KCNMA1: variants seen among roughly 807,000 people sequenced by gnomAD.
KCNMA1 encodes Calcium-activated potassium channel subunit alpha-1.
Under a neutral mutation model 140.0 loss-of-function variants are expected in KCNMA1, and 29 were observed. The ratio of observed to expected loss-of-function variants is 0.21; its 90% confidence interval spans 0.15 to 0.28. The LOEUF is 0.28. Ranked by LOEUF, KCNMA1 falls within the 10% of genes least tolerant of loss-of-function variation. The probability of loss-of-function intolerance (pLI) is 1.00; values close to 1 mark genes in which losing one functional copy is unlikely to be tolerated. For synonymous variants in KCNMA1, 612 were observed against 611.9 expected (o/e 1.00, Z 0.00); for missense variants, 880 against 1,602.2 (o/e 0.55, Z 7.70).
At chr10:77,417,006 C>G (rs12252301) in intron 1 of KCNMA1, among the ~76,000 whole-genome samples, 2,064 of 152,266 alleles carry the variant, frequency 0.014, 48 homozygotes, top group African/African-American at 0.047. Flanking sequence ...CGTCACTGAC[C>G]TGCTCTTCCA....
At chr10:77,007,615 C>T (rs1315233090) in intron 18 of KCNMA1, among the ~76,000 whole-genome samples, 2 of 115,568 alleles carry the variant, frequency 1.7e-5, no homozygotes, top group Non-Finnish European at 1.9e-5. Context: ...TAAGAATGTA[C>T]ATATACTCTG....
intron 1 of KCNMA1, among the ~76,000 whole-genome samples, chr10:77,481,788 A>AG (rs1265310582): frequency 5.0e-5 from 7 of 140,260 alleles, no homozygotes; most frequent in African/African-American, 1.8e-4. Flanking sequence ...AAAAAAAAAA[A>AG]AAAGAAAGAA....
At chr10:77,102,160 A>G (rs2169671) in intron 9 of KCNMA1, among the ~76,000 whole-genome samples, 152,085 of 152,344 alleles carry the variant, frequency 1, 75,914 homozygotes, top group East Asian at 1. Flanking sequence ...ACATGAAGGC[A>G]TGACTCGTGT....
Position 76,981,604 on chromosome 10 carries a change from G to A in KCNMA1, c.2267-11537C>T, listed in dbSNP as rs111813639. Among the ~76,000 whole-genome samples the A allele has an allele frequency of 2.0e-4, 30 of 152,286 alleles. 1 individual carries two copies. The highest frequency in any genetic ancestry group is 6.7e-4 in the African/African-American group (28 of 41,552). ...AGAGGCATGGCGGGGTAGAGAGGCA[G>A]TGACTCCTTCACCAGGCTCTCCCAC... On this transcript the variant is annotated intron_variant, in intron 19 of 27. Transcript: ENST00000286628.
At chr10:77,377,815 C>T (rs2095222199) in intron 2 of KCNMA1, among the ~76,000 whole-genome samples, 2 of 152,166 alleles carry the variant, frequency 1.3e-5, no homozygotes, top group Non-Finnish European at 2.9e-5. Context: ...CCACTCTGAG[C>T]CCGAGTTCCC....
At chr10:77,055,538 C>T (rs1314480231) in intron 14 of KCNMA1, among the ~76,000 whole-genome samples, 1 of 151,178 alleles carries the variant, frequency 6.6e-6, no homozygotes, top group East Asian at 1.9e-4. Context: ...TTCTCTCCTC[C>T]TGTGCCCCAA....
chr10:77,614,152 G>T (rs2088313282), intron 1 of KCNMA1, among the ~76,000 whole-genome samples: 1 of 152,178 alleles, frequency 6.6e-6, no homozygotes, highest in Non-Finnish European at 1.5e-5. Flanking sequence ...TAAATACCCT[G>T]AGAGAGCCAG....
At chr10:77,224,572 C>T (rs1221833293) in intron 3 of KCNMA1, among the ~76,000 whole-genome samples, 1 of 152,180 alleles carries the variant, frequency 6.6e-6, no homozygotes, top group African/African-American at 2.4e-5. Flanking sequence ...ACCTTGGGAA[C>T]ACTCAGGACC....
intron 19 of KCNMA1, among the ~76,000 whole-genome samples, chr10:76,976,471 CAT>C (rs1248411240): frequency 6.6e-6 from 1 of 152,188 alleles, no homozygotes; most frequent in Non-Finnish European, 1.5e-5. Flanking sequence ...ACAGAATCCA[CAT>C]GACATGGAAT....
intron 19 of KCNMA1, chr10:76,974,628 T>C: frequency 8.1e-7 from 1 of 1,232,608 alleles, no homozygotes; most frequent in Admixed American, 2.0e-5. Context: ...TGAAATTTCT[T>C]TTAGAAAAGT....
chr10:77,340,058 G>T, intron 2 of KCNMA1, among the ~76,000 whole-genome samples: 1 of 152,118 alleles, frequency 6.6e-6, no homozygotes, highest in East Asian at 1.9e-4. Context: ...TGAAGCCCAA[G>T]GAATCCTAAC....
In KCNMA1 at chr10:77,614,499, T is replaced by C. The variant is rs148408570; in HGVS notation, c.378+22766A>G. On this transcript the variant is annotated intron_variant, in intron 1 of 27. Transcript: ENST00000286628. ...CACCTAACCAGTGCTTTGTGTAAGA[T>C]AGACTCAAAGGTGAGCTTGAATAAA... 2.5e-3 allele frequency among the ~76,000 whole-genome samples: 376 copies of C among 152,316 alleles called. 6 individuals are homozygous for C. The highest frequency in any genetic ancestry group is 0.012 in the Admixed American group (188 of 15,292).
intron 5 of KCNMA1, among the ~76,000 whole-genome samples, chr10:77,127,193 A>G (rs556869394): frequency 4.4e-4 from 67 of 151,954 alleles, no homozygotes; most frequent in African/African-American, 1.5e-3. Context: ...TTAATCTATT[A>G]TTATTGATGA....
intron 2 of KCNMA1, among the ~76,000 whole-genome samples, chr10:77,347,754 C>T (rs1352098360): frequency 2.0e-5 from 3 of 152,076 alleles, no homozygotes; most frequent in East Asian, 1.9e-4. Context: ...GAAGACAGTA[C>T]CAACACTCAG....
chr10:77,266,418 T>C (rs1258939894), intron 2 of KCNMA1, among the ~76,000 whole-genome samples: 1 of 152,310 alleles, frequency 6.6e-6, no homozygotes, highest in East Asian at 1.9e-4. Context: ...TTGGCAATAA[T>C]ATGACTTCTC....
At chr10:77,071,371 C>A (rs141451423) in intron 14 of KCNMA1, 5 of 152,362 alleles carry the variant, frequency 3.3e-5, no homozygotes, top group Non-Finnish European at 7.3e-5. Flanking sequence ...CACGAGGAAG[C>A]AGAGCACAGC....
intron 14 of KCNMA1, among the ~76,000 whole-genome samples, chr10:77,041,560 C>A (rs1329375209): frequency 6.6e-6 from 1 of 152,176 alleles, no homozygotes; most frequent in Non-Finnish European, 1.5e-5. Context: ...CTCGGCCTCC[C>A]AAAATGCTCC....
chr10:77,560,112 G>T (rs2065886692), intron 1 of KCNMA1, among the ~76,000 whole-genome samples: 1 of 152,168 alleles, frequency 6.6e-6, no homozygotes, highest in African/African-American at 2.4e-5. Flanking sequence ...GAACCCTGGA[G>T]GTGGAGGCTG....
intron 20 of KCNMA1, among the ~76,000 whole-genome samples, chr10:76,955,856 C>A (rs1187302050): frequency 6.6e-6 from 1 of 152,114 alleles, no homozygotes; most frequent in Admixed American, 6.5e-5. Flanking sequence ...TTAACTCTTT[C>A]CAGCCCATGA....
Sources: gnomAD v4.1 joint callset for allele counts (sites outside exome capture counted in the v4.1 genomes callset) on GRCh38, gnomAD v4.1.1 for gene constraint, MANE v1.5 for transcripts, NCBI Gene and HGNC (gene_info 2026-07-23, HGNC 2026-07-21) for gene names.